TASOR: variants seen among roughly 807,000 people sequenced by gnomAD.
TASOR encodes the protein transcription activation suppressor.
TASOR carries 53 observed loss-of-function variants against 178.6 expected under a neutral mutation model. The observed-to-expected ratio is 0.30, with a 90% CI of 0.24 to 0.37. The LOEUF is 0.37. Ranked by LOEUF, TASOR falls within the 10% of genes least tolerant of loss-of-function variation. The pLI is 1.00. For synonymous variants in TASOR, 713 were observed against 696.2 expected, an observed-to-expected ratio of 1.02 and a Z score of -0.38; for missense variants, 1,815 against 1,971.4, an observed-to-expected ratio of 0.92 and a Z score of 1.50.
Position 56,622,757 on chromosome 3 carries a change from TG to T in TASOR, c.*279del, listed in dbSNP as rs1279370394. 3 of 221,294 alleles carry T rather than the reference TG, an allele frequency of 1.4e-5. No homozygotes were observed. Among genetic ancestry groups the T allele is most frequent in the Non-Finnish European group, 8.7e-6 (1 of 114,692 alleles). 13.7% of individuals were successfully genotyped at this position (221,294 alleles called of 1,614,324 possible). The stretch of plus-strand genomic sequence containing the variant: ...TGTTTACCGTCCTCCTGCAAGCATC[TG>T]ATTTTACACATAAAACAGGCTTCAA... On this transcript the variant is annotated 3_prime_UTR_variant, in exon 24 of 24. Coordinates refer to ENST00000683822, the MANE Select transcript of TASOR (RefSeq NM_001365635.2).
At position 56,669,785 on chromosome 3, in the gene TASOR, T is replaced by C. The variant is rs929986335; in HGVS notation, c.650A>G (p.Tyr217Cys). ...TAATAAATCAGCATACCTAGAAAGATAGACACCTAGAAAAGACGGAAAAAT... is the reference window on the plus strand; with the variant it reads ...TAATAAATCAGCATACCTAGAAAGACAGACACCTAGAAAAGACGGAAAAAT... ...TILGSPSMGV[Y>C]LSRYADLLQA... is the part of the protein sequence containing the mutation. The change falls in exon 5 of 24, where the codon TAT becomes TGT. Residue 217 changes from tyrosine to cysteine, a missense_variant. Physicochemically the swap from Tyr to Cys is radical, Grantham distance 194. Around this residue, in one of 5 missense-constraint regions of TASOR, gnomAD observed 504 missense variants for 645.3 expected, o/e 0.78. Transcript: ENST00000683822. The C allele has an allele frequency of 2.7e-5, 42 of 1,542,060 alleles. No homozygotes were observed. Among genetic ancestry groups the C allele is most frequent in the African/African-American group, 5.5e-5 (4 of 72,594 alleles).
chr3:56,669,622 TAAA>T (rs1250284346), intron 5 of TASOR, 75 bp downstream of exon 5: 21 of 903,322 alleles, frequency 2.3e-5, no homozygotes, highest in Non-Finnish European at 1.0e-5. Context: ...AACAATCTCC[TAAA>T]AACAGCATCA....
Position 56,682,231 on chromosome 3 carries a change from C to T in TASOR, c.331+445G>A, listed in dbSNP as rs558025746. On this transcript the variant is annotated intron_variant, in intron 1 of 23. Transcript: ENST00000683822. ...GTAGACACACAGAACTGAAGAATTT[C>T]CACGGGGAGAAGCACTCATGGTCCT... is the stretch of plus-strand genomic sequence containing the variant. 4.6e-5 allele frequency among the ~76,000 whole-genome samples: 7 copies of T among 152,306 alleles called. No homozygotes were observed. In the South Asian group the frequency reaches 1.5e-3, roughly 32 times the overall value.
At chr3:56,634,443 C>T (rs758673496) in intron 17 of TASOR, among the ~76,000 whole-genome samples, 6 of 152,104 alleles carry the variant, frequency 3.9e-5, no homozygotes, top group Non-Finnish European at 2.9e-5. Context: ...GGAATAACTG[C>T]CAAGTTAAAA....
Position 56,622,908 on chromosome 3 carries a change from C to G in TASOR, c.*129G>C. 1 of 529,278 alleles carries G rather than the reference C, an allele frequency of 1.9e-6. No homozygotes were observed. The highest frequency in any genetic ancestry group is 3.2e-6 in the Non-Finnish European group (1 of 309,046). The allele number at this position is 529,278 out of a possible 1,614,324, so 32.8% of individuals were successfully genotyped here. ...CAATTTTTAGATGCTTCAACTGTTA[C>G]AGGCCATCATGATTTAAATAAAAGA... On this transcript the variant is annotated 3_prime_UTR_variant, in exon 24 of 24. Transcript: ENST00000683822.
Position 56,633,974 on chromosome 3 carries a change from G to A in TASOR, c.2825-8C>T, listed in dbSNP as rs761856811. On this transcript the variant is annotated splice_region_variant and splice_polypyrimidine_tract_variant and intron_variant, in intron 17 of 23. Coordinates refer to ENST00000683822, the MANE Select transcript of TASOR (RefSeq NM_001365635.2). ...CTTCTGGTGATTTCATACCTATACA[G>A]GAAGAGTTCATTATTATAAGAGCAA... 2.0e-6 allele frequency: 3 copies of A among 1,515,000 alleles called. No homozygotes were observed. In the South Asian group the frequency reaches 3.9e-5, roughly 19 times the overall value. The allele number at this position is 1,515,000 out of a possible 1,614,324, so 93.8% of individuals were successfully genotyped here.
At chr3:56,667,199 T>G (rs2030113112) in intron 6 of TASOR, among the ~76,000 whole-genome samples, 1 of 152,190 alleles carries the variant, frequency 6.6e-6, no homozygotes, top group African/African-American at 2.4e-5. Context: ...CCAAATGACT[T>G]TGGTGAATAT....
chr3:56,633,017 A>T (rs2076949057), intron 18 of TASOR, 27 bp downstream of exon 18: 1 of 1,494,414 alleles, frequency 6.7e-7, no homozygotes. Flanking sequence ...TTTGTACAGC[A>T]TTACTATTAC....
intron 14 of TASOR, among the ~76,000 whole-genome samples, chr3:56,644,232 T>A (rs1559829417): frequency 6.6e-6 from 1 of 152,178 alleles, no homozygotes; most frequent in Non-Finnish European, 1.5e-5. Flanking sequence ...AAAATTAGGA[T>A]AATAATGCCT....
Position 56,638,774 on chromosome 3 carries a change from A to G in TASOR, c.2765-9T>C, listed in dbSNP as rs529404756. 2 of 1,614,036 alleles carry G rather than the reference A, an allele frequency of 1.2e-6. No individual in the cohort carries two copies. The highest frequency in any genetic ancestry group is 1.7e-6 in the Non-Finnish European group (2 of 1,179,918). ...GCTTCTTGCATTCCCTCCTGAGGGA[A>G]AGCATCCATTAGACTCTCTTCAGAC... On this transcript the variant is annotated splice_polypyrimidine_tract_variant and intron_variant, in intron 16 of 23. Coordinates refer to ENST00000683822, the MANE Select transcript of TASOR (RefSeq NM_001365635.2).
At chr3:56,625,711 G>A (rs1288324611) in intron 21 of TASOR, among the ~76,000 whole-genome samples, 2 of 151,444 alleles carry the variant, frequency 1.3e-5, no homozygotes, top group Non-Finnish European at 2.9e-5. Context: ...TTGAGACAGA[G>A]TCTCACTCTG....
At chr3:56,678,913 A>G (rs2031556355) in intron 1 of TASOR, among the ~76,000 whole-genome samples, 1 of 151,856 alleles carries the variant, frequency 6.6e-6, no homozygotes. Flanking sequence ...GGGGGAGGCT[A>G]AGGAAGGAGA....
chr3:56,668,235 C>G (rs1311791435), intron 6 of TASOR, among the ~76,000 whole-genome samples, 162 bp downstream of exon 6: 2 of 152,152 alleles, frequency 1.3e-5, no homozygotes, highest in African/African-American at 4.8e-5. Context: ...TCAGAAAACA[C>G]TGAACAAACA....
At chr3:56,677,338 A>G (rs188538097) in intron 1 of TASOR, among the ~76,000 whole-genome samples, 1 of 152,360 alleles carries the variant, frequency 6.6e-6, no homozygotes, top group Non-Finnish European at 1.5e-5. Flanking sequence ...TCAGTATTCA[A>G]TACACTGTTC....
rs1422770137 is a variant in TASOR, at chr3:56,676,416, T to C, written c.332-2691A>G. Reference sequence around the variant, plus strand: ...ATTGTCTTCATTCAAACCTGTGTTATGGAACGTAGGACAAAAACATCTTAT... The same window carrying C: ...ATTGTCTTCATTCAAACCTGTGTTACGGAACGTAGGACAAAAACATCTTAT... On this transcript the variant is annotated intron_variant, in intron 1 of 23. Transcript: ENST00000683822. Among the ~76,000 whole-genome samples the C allele has an allele frequency of 5.9e-5, 9 of 152,320 alleles. No homozygotes were observed. In the South Asian group the frequency reaches 1.4e-3, roughly 25 times the overall value.
At position 56,623,303 on chromosome 3, in the gene TASOR, T is replaced by C. The variant is rs753114209; in HGVS notation, c.4747A>G (p.Asn1583Asp). 3.7e-6 allele frequency: 6 copies of C among 1,613,564 alleles called. No homozygotes were observed. In the South Asian group the frequency reaches 5.5e-5, roughly 15 times the overall value. The change falls in exon 24 of 24, where the codon AAC (asparagine) becomes GAC (aspartate). Residue 1583 changes from asparagine to aspartate, a missense_variant. Around this residue, in one of 5 missense-constraint regions of TASOR, gnomAD observed 278 missense variants for 257.1 expected, o/e 1.08. Transcript: ENST00000683822. The stretch of plus-strand genomic sequence containing the variant: ...GAATCTTGTTCTGTTGAATTGCTGT[T>C]CTCTCCTTCAGAGCATACTATATCA... ...SIDIVCSEGE[N>D]SNSTEQDSYS...
At chr3:56,630,572 G>A (rs1405690014) in intron 18 of TASOR, among the ~76,000 whole-genome samples, 4 of 152,166 alleles carry the variant, frequency 2.6e-5, no homozygotes, top group South Asian at 2.1e-4. Context: ...GGCTGGGTGC[G>A]ATGGCTCACG....
intron 15 of TASOR, 94 bp from the exon 16 acceptor site, chr3:56,640,224 A>C (rs1272601481): frequency 9.1e-7 from 1 of 1,099,606 alleles, no homozygotes; most frequent in African/African-American, 1.6e-5. Context: ...ACGTGCTTCA[A>C]TCTAAACATT....
Position 56,623,004 on chromosome 3 carries a change from CACA to C in TASOR, c.*30_*32del. The C allele has an allele frequency of 7.4e-7, 1 of 1,355,664 alleles. No individual in the cohort carries two copies. Among genetic ancestry groups the C allele is most frequent in the Non-Finnish European group, 9.9e-7 (1 of 1,006,792 alleles). The allele number at this position is 1,355,664 out of a possible 1,614,324, so 84.0% of individuals were successfully genotyped here. Reference sequence around the variant, plus strand: ...ATATAAATTGTTAATAAACAAAGTCCACAACAATCTCTTAAAAAAAAAGTTACT... The same window carrying C: ...ATATAAATTGTTAATAAACAAAGTCCACAATCTCTTAAAAAAAAAGTTACT... On this transcript the variant is annotated 3_prime_UTR_variant, in exon 24 of 24. Transcript: ENST00000683822.
Sources: allele counts gnomAD v4.1 joint callset (sites outside exome capture counted in the v4.1 genomes callset), GRCh38; gene constraint gnomAD v4.1.1; regional missense constraint gnomAD v4.1.1; transcripts MANE v1.5; gene names NCBI Gene and HGNC (gene_info 2026-07-23, HGNC 2026-07-21).